The following ACTL7A variants were observed in gnomAD, a reference collection of about 807,000 sequenced individuals.
ACTL7A encodes the protein actin-like protein 7A.
A neutral mutation model predicts 30.3 loss-of-function variants in ACTL7A; 27 were observed. The observed-to-expected ratio is 0.89, with a 90% confidence interval of 0.66 to 1.23. ACTL7A has a LOEUF of 1.23. Among genes scored for constraint, ACTL7A ranks in the 50% most tolerant of loss-of-function variants. The probability of loss-of-function intolerance (pLI) is 0.00; values close to 1 mark genes in which losing one functional copy is unlikely to be tolerated. For missense variants in ACTL7A, 566 were observed against 571.8 expected, an observed-to-expected ratio of 0.99 and a Z score of 0.10; for synonymous variants, 259 against 241.4, an observed-to-expected ratio of 1.07 and a Z score of -0.67.
Position 108,863,419 on chromosome 9 carries a change from T to A in ACTL7A, c.1097T>A (p.Met366Lys). Residue 366 changes from methionine (M) to lysine (K), a missense_variant, in exon 1 of 1, where the codon ATG becomes AAG. By Grantham distance (95) the Met-to-Lys change is moderately conservative. Transcript: ENST00000333999. ...GNILLCGGST[M>K]LSGFPNRLQK... is the part of the protein sequence containing the mutation. ...ATCCTGCTCTGCGGGGGCAGCACGA[T>A]GCTCAGTGGCTTCCCTAACCGTCTG... 6.2e-7 allele frequency: 1 copy of A among 1,614,178 alleles called. No homozygotes were observed. The highest frequency in any genetic ancestry group is 8.5e-7 in the Non-Finnish European group (1 of 1,180,032).
Position 108,862,989 on chromosome 9 carries a change from G to A in ACTL7A, c.667G>A (p.Val223Met), listed in dbSNP as rs529810713. Residue 223 changes from valine to methionine, a missense_variant, in exon 1 of 1, where the codon GTG (valine) becomes ATG (methionine). Val to Met is a conservative substitution (Grantham distance 21). Transcript: ENST00000333999. ...CCTGGTGGTGGAGGTGGGCCATGGC[G>A]TGTCCTACGTGGTCCCCATCTACGA... is the stretch of plus-strand genomic sequence containing the variant. ...SGLVVEVGHG[V>M]SYVVPIYEGY... The A allele has an allele frequency of 1.1e-4, 181 of 1,610,298 alleles. No homozygotes were observed. Among genetic ancestry groups the A allele is most frequent in the Admixed American group, 1.7e-4 (10 of 59,886 alleles).
In ACTL7A at chr9:108,862,942, A is replaced by C. The variant is rs1487303986; in HGVS notation, c.620A>C (p.Tyr207Ser). The C allele has an allele frequency of 1.2e-6, 2 of 1,610,496 alleles. No individual in the cohort carries two copies. Among genetic ancestry groups the C allele is most frequent in the Admixed American group, 3.3e-5 (2 of 59,850 alleles). ...GCCTACCAGTCGCGCCTGTCCATGT[A>C]CTCCTATGGAAGGACCTCCGGCCTG... ...HIAYQSRLSM[Y>S]SYGRTSGLVV... The change falls in exon 1 of 1, where the codon TAC becomes TCC. Residue 207 changes from tyrosine (Y) to serine (S), a missense_variant. Tyr to Ser is a moderately radical substitution (Grantham distance 144). Transcript: ENST00000333999.
chr9:108,862,671 T>A lies in ACTL7A; in HGVS notation c.349T>A (p.Phe117Ile), dbSNP rs539671009. The change falls in exon 1 of 1, where the codon TTC (phenylalanine) becomes ATC (isoleucine). Residue 117 changes from phenylalanine (F) to isoleucine (I), a missense_variant. Physicochemically the swap from Phe to Ile is conservative, Grantham distance 21. Coordinates refer to ENST00000333999, the MANE Select transcript of ACTL7A (RefSeq NM_006687.4). ...AKTGDNRKET[F>I]VGQELNNTNV... is the part of the protein sequence containing the mutation. ...GACTGGGGATAATCGCAAGGAGACA[T>A]TCGTGGGGCAGGAACTCAACAACAC... 1 of 1,613,992 alleles carries A rather than the reference T, an allele frequency of 6.2e-7. No homozygotes were observed.
rs775137726 is a variant in ACTL7A, at chr9:108,863,602, C to A, written c.1280C>A (p.Pro427His). The stretch of plus-strand genomic sequence containing the variant: ...CGCTTTGAGTACGAGGAACACGGGC[C>A]TTTCTTCCTCTACAGAAGGTGCTTC... ...VHRFEYEEHG[P>H]FFLYRRCF Residue 427 changes from proline (P) to histidine (H), a missense_variant, in exon 1 of 1, where the codon CCT becomes CAT. Pro to His is a moderately conservative substitution (Grantham distance 77). Coordinates refer to ENST00000333999, the MANE Select transcript of ACTL7A (RefSeq NM_006687.4). 1 of 1,612,034 alleles carries A rather than the reference C, an allele frequency of 6.2e-7. No homozygotes were observed. Among genetic ancestry groups the A allele is most frequent in the Non-Finnish European group, 8.5e-7 (1 of 1,178,844 alleles).
rs201879754 is a variant in ACTL7A, at chr9:108,863,283, A to G, written c.961A>G (p.Met321Val). ...CCAGGAACGGTTCCTCTGCTCGGAG[A>G]TGTTCTTCAAGCCATCTCTCATCAA... is the stretch of plus-strand genomic sequence containing the variant. Reference protein sequence around the residue: ...LCQERFLCSEMFFKPSLIKSM... With the variant: ...LCQERFLCSEVFFKPSLIKSM... The change falls in exon 1 of 1, where the codon ATG becomes GTG. Residue 321 changes from methionine (M) to valine (V), a missense_variant. By Grantham distance (21) the Met-to-Val change is conservative. Coordinates refer to ENST00000333999, the MANE Select transcript of ACTL7A (RefSeq NM_006687.4). 3.7e-6 allele frequency: 6 copies of G among 1,614,028 alleles called. No homozygotes were observed. The Admixed American group carries it at 8.3e-5, about 22-fold the overall frequency.
In ACTL7A at chr9:108,863,128, T is replaced by C; in HGVS notation, c.806T>C (p.Met269Thr). 1 of 1,614,122 alleles carries C rather than the reference T, an allele frequency of 6.2e-7. No individual in the cohort carries two copies. The highest frequency in any genetic ancestry group is 8.5e-7 in the Non-Finnish European group (1 of 1,180,028). Residue 269 changes from methionine (M) to threonine (T), a missense_variant, in exon 1 of 1, where the codon ATG (methionine) becomes ACG (threonine). Physicochemically the swap from Met to Thr is moderately conservative, Grantham distance 81. Coordinates refer to ENST00000333999, the MANE Select transcript of ACTL7A (RefSeq NM_006687.4). Reference sequence around the variant, plus strand: ...GGGAACGAATTCACCCAGGACCAGATGGGCATCGTGGAGGACATCAAGAAG... The same window carrying C: ...GGGAACGAATTCACCCAGGACCAGACGGGCATCGTGGAGGACATCAAGAAG... Reference protein sequence around the residue: ...SAGNEFTQDQMGIVEDIKKKC... With the variant: ...SAGNEFTQDQTGIVEDIKKKC...
rs1159869463 is a variant in ACTL7A, at chr9:108,862,775, A to C, written c.453A>C (p.Glu151Asp). Residue 151 changes from glutamate to aspartate, a missense_variant, in exon 1 of 1, where the codon GAA becomes GAC. Physicochemically the swap from Glu to Asp is conservative, Grantham distance 45. Coordinates refer to ENST00000333999, the MANE Select transcript of ACTL7A (RefSeq NM_006687.4). Reference sequence around the variant, plus strand: ...GGGATACAGTGCAGGATATCTGGGAATATCTCTTCCGACAAGAGATGAAGA... The same window carrying C: ...GGGATACAGTGCAGGATATCTGGGACTATCTCTTCCGACAAGAGATGAAGA... ...VDWDTVQDIW[E>D]YLFRQEMKIA... The C allele has an allele frequency of 6.2e-7, 1 of 1,614,094 alleles. No individual in the cohort carries two copies. The highest frequency in any genetic ancestry group is 1.7e-5 in the Admixed American group (1 of 60,008).
At position 108,862,428 on chromosome 9, in the gene ACTL7A, G is replaced by A. The variant is rs1465178234; in HGVS notation, c.106G>A (p.Gly36Ser). The part of the protein sequence containing the change: ...QALQTASLRD[G>S]PAKRAVWVRH... ...CCTCCAGACTGCCTCTTTAAGGGAT[G>A]GCCCGGCGAAGCGGGCCGTGTGGGT... The change falls in exon 1 of 1, where the codon GGC (glycine) becomes AGC (serine). Residue 36 changes from glycine to serine, a missense_variant. Transcript: ENST00000333999. 6.2e-7 allele frequency: 1 copy of A among 1,614,122 alleles called. No individual in the cohort carries two copies. Among genetic ancestry groups the A allele is most frequent in the East Asian group, 2.2e-5 (1 of 44,852 alleles).
At position 108,863,173 on chromosome 9, in the gene ACTL7A, T is replaced by C. The variant is rs1827194448; in HGVS notation, c.851T>C (p.Leu284Pro). 2.5e-6 allele frequency: 4 copies of C among 1,614,142 alleles called. No individual in the cohort carries two copies. In the African/African-American group the frequency reaches 5.3e-5, roughly 22 times the overall value. Reference protein sequence around the residue: ...DIKKKCCFVALDPIEEKKVPL... With the variant: ...DIKKKCCFVAPDPIEEKKVPL... ...AAGAAGAAATGCTGCTTTGTGGCCC[T>C]GGATCCCATTGAGGAGAAGAAAGTC... Residue 284 changes from leucine to proline, a missense_variant, in exon 1 of 1, where the codon CTG becomes CCG. By Grantham distance (98) the Leu-to-Pro change is moderately conservative. Coordinates refer to ENST00000333999, the MANE Select transcript of ACTL7A (RefSeq NM_006687.4).
At position 108,862,376 on chromosome 9, in the gene ACTL7A, C is replaced by A. The variant is rs1827174146; in HGVS notation, c.54C>A (p.Gly18=). 3.1e-6 allele frequency: 5 copies of A among 1,613,798 alleles called. No individual in the cohort carries two copies. Among genetic ancestry groups the A allele is most frequent in the South Asian group, 1.1e-5 (1 of 91,076 alleles). Residue 18 remains glycine (G), a synonymous_variant, in exon 1 of 1, where the codon GGC becomes GGA. Transcript: ENST00000333999. ...IMGDGPTKKV[G]NQAPLQTQAL... Reference sequence around the variant, plus strand: ...GGGATGGGCCCACCAAGAAGGTGGGCAACCAGGCCCCCCTGCAGACACAGG... The same window carrying A: ...GGGATGGGCCCACCAAGAAGGTGGGAAACCAGGCCCCCCTGCAGACACAGG...
At position 108,862,320 on chromosome 9, in the gene ACTL7A, A is replaced by C; in HGVS notation, c.-3A>C. The C allele has an allele frequency of 6.2e-7, 1 of 1,604,146 alleles. No homozygotes were observed. Among genetic ancestry groups the C allele is most frequent in the Non-Finnish European group, 8.5e-7 (1 of 1,176,332 alleles). ...TTCTAAGAGTGGTGCGGCTCTTGAC[A>C]ACATGTGGGCTCCACCAGCAGCAAT... On this transcript the variant is annotated 5_prime_UTR_variant, in exon 1 of 1. Coordinates refer to ENST00000333999, the MANE Select transcript of ACTL7A (RefSeq NM_006687.4).
rs1827204800 is a variant in ACTL7A, at chr9:108,863,657, G to A, written c.*27G>A. On this transcript the variant is annotated 3_prime_UTR_variant, in exon 1 of 1. Transcript: ENST00000333999. ...CAGCGACGAGGATGGACACTGCACT[G>A]GCAGTGCCTACCCTCGACAGGGTGA... The A allele has an allele frequency of 1.3e-6, 2 of 1,570,088 alleles. No individual in the cohort carries two copies. The highest frequency in any genetic ancestry group is 1.7e-5 in the Admixed American group (1 of 57,310).
Position 108,862,290 on chromosome 9 carries a change from G to T in ACTL7A, c.-33G>T. 6.4e-7 allele frequency: 1 copy of T among 1,556,858 alleles called. No individual in the cohort carries two copies. The highest frequency in any genetic ancestry group is 1.2e-5 in the South Asian group (1 of 82,534). ...CAGGCCTTGAATCCAGTGGGATTGA[G>T]AACTTTCTAAGAGTGGTGCGGCTCT... On this transcript the variant is annotated 5_prime_UTR_variant, in exon 1 of 1. Coordinates refer to ENST00000333999, the MANE Select transcript of ACTL7A (RefSeq NM_006687.4).
rs771565075 is a variant in ACTL7A at position 108,863,480 on chromosome 9, C to A, written c.1158C>A (p.Thr386=). 44 of 1,614,052 alleles carry A rather than the reference C, an allele frequency of 2.7e-5. No homozygotes were observed. Among genetic ancestry groups the A allele is most frequent in the Non-Finnish European group, 8.5e-7 (1 of 1,180,046 alleles). ...KELSSMCPND[T]PQVNVLPERD... ...TAAGCAGCATGTGTCCCAATGACAC[C>A]CCGCAGGTAAACGTGCTGCCTGAAA... The change falls in exon 1 of 1, where the codon ACC becomes ACA. Residue 386 remains threonine, a synonymous_variant. Coordinates refer to ENST00000333999, the MANE Select transcript of ACTL7A (RefSeq NM_006687.4).
rs1827203131 is a variant in ACTL7A, at chr9:108,863,599, G to C, written c.1277G>C (p.Gly426Ala). The C allele has an allele frequency of 6.2e-7, 1 of 1,612,702 alleles. No individual in the cohort carries two copies. The highest frequency in any genetic ancestry group is 1.1e-5 in the South Asian group (1 of 90,820). The change falls in exon 1 of 1, where the codon GGG becomes GCG. Residue 426 changes from glycine (G) to alanine (A), a missense_variant. By Grantham distance (60) the Gly-to-Ala change is moderately conservative (BLOSUM62 0). Transcript: ENST00000333999. Reference protein sequence around the residue: ...WVHRFEYEEHGPFFLYRRCF With the variant: ...WVHRFEYEEHAPFFLYRRCF ...CACCGCTTTGAGTACGAGGAACACG[G>C]GCCTTTCTTCCTCTACAGAAGGTGC...
At position 108,863,107 on chromosome 9, in the gene ACTL7A, A is replaced by T; in HGVS notation, c.785A>T (p.Asn262Ile). 1 of 1,614,132 alleles carries T rather than the reference A, an allele frequency of 6.2e-7. No homozygotes were observed. Among genetic ancestry groups the T allele is most frequent in the African/African-American group, 1.3e-5 (1 of 75,030 alleles). Residue 262 changes from asparagine to isoleucine, a missense_variant, in exon 1 of 1, where the codon AAC becomes ATC. Physicochemically the swap from Asn to Ile is moderately radical, Grantham distance 149. Transcript: ENST00000333999. ...CTGGGCCTGCTGAACAGTGCGGGGA[A>T]CGAATTCACCCAGGACCAGATGGGC... ...YLLGLLNSAGNEFTQDQMGIV... is the reference protein window; with the variant it reads ...YLLGLLNSAGIEFTQDQMGIV...
At position 108,863,360 on chromosome 9, in the gene ACTL7A, TGACATCGCCCTCAAACGG is replaced by T. The variant is rs1281818373; in HGVS notation, c.1042_1059del (p.Ile348_Asp353del). 1 of 1,614,170 alleles carries T rather than the reference TGACATCGCCCTCAAACGG, an allele frequency of 6.2e-7. No individual in the cohort carries two copies. The highest frequency in any genetic ancestry group is 1.7e-5 in the Admixed American group (1 of 60,026). On this transcript the variant is annotated inframe_deletion, in exon 1 of 1. Transcript: ENST00000333999. ...AAACCGTGTCCTGCCTTAACAAGTG[TGACATCGCCCTCAAACGG>T]GACCTCATGGGGAACATCCTGCTCT...
At position 108,862,487 on chromosome 9, in the gene ACTL7A, T is replaced by C. The variant is rs756723476; in HGVS notation, c.165T>C (p.Thr55=). The part of the protein sequence containing the change: ...RHTSSEPQEP[T]ESKAAKERPK... ...CGAGTTCAGAGCCACAAGAACCTACTGAATCAAAGGCAGCCAAGGAGAGGC... is the reference window on the plus strand; with the variant it reads ...CGAGTTCAGAGCCACAAGAACCTACCGAATCAAAGGCAGCCAAGGAGAGGC... The change falls in exon 1 of 1, where the codon ACT becomes ACC. Residue 55 remains threonine (T), a synonymous_variant. Transcript: ENST00000333999. 2.7e-5 allele frequency: 43 copies of C among 1,612,574 alleles called. No homozygotes were observed. The Middle Eastern group carries it at 4.9e-4, about 18-fold the overall frequency.
chr9:108,862,783 T>C lies in ACTL7A; in HGVS notation c.461T>C (p.Phe154Ser). ...DTVQDIWEYLFRQEMKIAPEE... is the reference protein window; with the variant it reads ...DTVQDIWEYLSRQEMKIAPEE... ...GTGCAGGATATCTGGGAATATCTCT[T>C]CCGACAAGAGATGAAGATCGCCCCG... Residue 154 changes from phenylalanine to serine, a missense_variant, in exon 1 of 1, where the codon TTC becomes TCC. Coordinates refer to ENST00000333999, the MANE Select transcript of ACTL7A (RefSeq NM_006687.4). 6.2e-7 allele frequency: 1 copy of C among 1,614,164 alleles called. No individual in the cohort carries two copies. Among genetic ancestry groups the C allele is most frequent in the Non-Finnish European group, 8.5e-7 (1 of 1,180,036 alleles).
Sources: gnomAD v4.1 joint callset for allele counts on GRCh38, gnomAD v4.1.1 for gene constraint, MANE v1.5 for transcripts, NCBI Gene and HGNC (gene_info 2026-07-23, HGNC 2026-07-21) for gene names.